The following NLGN1 variants were observed in gnomAD, a reference collection of about 807,000 sequenced individuals.
NLGN1 encodes the protein neuroligin 1, also known as neuroligin-1.
A neutral mutation model predicts 65.5 loss-of-function variants in NLGN1; 12 were observed. That is an observed-to-expected ratio of 0.18 (90% CI 0.12 to 0.30). NLGN1 has a LOEUF of 0.30. Among genes scored for constraint, NLGN1 ranks in the 10% least tolerant of loss-of-function variants. NLGN1 has a pLI of 1.00. For synonymous variants in NLGN1, 350 were observed against 359.5 expected, an observed-to-expected ratio of 0.97 and a Z score of 0.30; for missense variants, 750 against 1,007.1, an observed-to-expected ratio of 0.74 and a Z score of 3.46.
At chr3:173,769,029 A>AAAC (rs1038258077) in intron 3 of NLGN1, among the ~76,000 whole-genome samples, 1 of 152,132 alleles carries the variant, frequency 6.6e-6, no homozygotes, top group Non-Finnish European at 1.5e-5. Context: ...TCAGCCTCCC[A>AAAC]AACTACTGGG....
At chr3:173,847,883 AAATT>A (rs1423277092) in intron 4 of NLGN1, among the ~76,000 whole-genome samples, 1 of 152,190 alleles carries the variant, frequency 6.6e-6, no homozygotes, top group African/African-American at 2.4e-5. Context: ...AAAAATAAAT[AAATT>A]AATTAAATTA....
chr3:174,082,642 A>G lies in NLGN1; in HGVS notation c.647-192673A>G, dbSNP rs901320300. 6.6e-5 allele frequency among the ~76,000 whole-genome samples: 10 copies of G among 152,100 alleles called. No homozygotes were observed. In the South Asian group the frequency reaches 1.9e-3, roughly 28 times the overall value. ...CTAAGATTGGAGCTTTGTTTTAAAAAGCAATACATTTTTAATAAGAAAATA... is the reference window on the plus strand; with the variant it reads ...CTAAGATTGGAGCTTTGTTTTAAAAGGCAATACATTTTTAATAAGAAAATA... On this transcript the variant is annotated intron_variant, in intron 4 of 6. Transcript: ENST00000457714.
At chr3:173,732,420 A>G (rs1033289859) in intron 3 of NLGN1, among the ~76,000 whole-genome samples, 7 of 152,122 alleles carry the variant, frequency 4.6e-5, no homozygotes, top group African/African-American at 1.7e-4. Flanking sequence ...TAGCCCTAAG[A>G]TGCTGCTACT....
At chr3:174,278,118 C>T (rs748294144) in intron 5 of NLGN1, among the ~76,000 whole-genome samples, 40 of 152,034 alleles carry the variant, frequency 2.6e-4, no homozygotes, top group South Asian at 4.1e-4. Context: ...ATGATAAAAA[C>T]AGTAGTGTAC....
intron 4 of NLGN1, among the ~76,000 whole-genome samples, chr3:174,243,968 C>T (rs1476720825): frequency 6.6e-6 from 1 of 152,092 alleles, no homozygotes; most frequent in African/African-American, 2.4e-5. Context: ...AGGTCCAGGG[C>T]CTCTGACACT....
At chr3:174,117,485 G>A (rs1418149742) in intron 4 of NLGN1, among the ~76,000 whole-genome samples, 1 of 151,910 alleles carries the variant, frequency 6.6e-6, no homozygotes, top group Non-Finnish European at 1.5e-5. Context: ...GCCAGGCGCA[G>A]TGGCGGGCGC....
At chr3:174,221,917 T>C (rs992190373) in intron 4 of NLGN1, among the ~76,000 whole-genome samples, 9 of 152,126 alleles carry the variant, frequency 5.9e-5, no homozygotes, top group Non-Finnish European at 1.3e-4. Context: ...ATGTTTTTTG[T>C]TTTGTTTTTC....
chr3:174,242,502 C>T (rs775098195), intron 4 of NLGN1, among the ~76,000 whole-genome samples: 7 of 152,084 alleles, frequency 4.6e-5, no homozygotes, highest in Non-Finnish European at 7.4e-5. Flanking sequence ...TTACTGCCTG[C>T]GCTCCATCTC....
intron 4 of NLGN1, among the ~76,000 whole-genome samples, chr3:174,166,822 T>C (rs1326137850): frequency 6.6e-6 from 1 of 152,122 alleles, no homozygotes; most frequent in East Asian, 1.9e-4. Context: ...GTTAAGTTAT[T>C]TTGTAGGTCT....
Position 173,604,386 on chromosome 3 carries a change from T to C in NLGN1, c.-213T>C. On this transcript the variant is annotated 5_prime_UTR_variant, in exon 3 of 7. It removes an upstream start codon present in the reference 5' UTR. Coordinates refer to ENST00000457714, the Ensembl canonical transcript of NLGN1. ...GGAAAACAGAATGTTCAATAGGATA[T>C]GGTCTGATAAATAGTGATGATTGAA... 1 of 615,868 alleles carries C rather than the reference T, an allele frequency of 1.6e-6. No individual in the cohort carries two copies. The highest frequency in any genetic ancestry group is 2.9e-6 in the Non-Finnish European group (1 of 347,896). 38.2% of individuals were successfully genotyped at this position (615,868 alleles called of 1,614,324 possible).
intron 3 of NLGN1, among the ~76,000 whole-genome samples, chr3:173,707,021 A>G (rs978224941): frequency 1.3e-5 from 2 of 152,174 alleles, no homozygotes; most frequent in African/African-American, 4.8e-5. Context: ...CCTTTATAGA[A>G]CTTATATGGT....
chr3:174,152,159 T>C (rs1371025105), intron 4 of NLGN1, among the ~76,000 whole-genome samples: 2 of 140,074 alleles, frequency 1.4e-5, no homozygotes, highest in South Asian at 2.2e-4. Flanking sequence ...AAACTTTAGA[T>C]TTGAAGAGAA....
intron 3 of NLGN1, among the ~76,000 whole-genome samples, chr3:173,654,857 T>C (rs1222923240): frequency 6.6e-6 from 1 of 152,110 alleles, no homozygotes; most frequent in East Asian, 1.9e-4. Context: ...AAAGAATTAA[T>C]GGATGGATGA....
intron 4 of NLGN1, among the ~76,000 whole-genome samples, chr3:174,169,903 A>G (rs1444258679): frequency 2.0e-5 from 3 of 152,082 alleles, no homozygotes; most frequent in African/African-American, 7.2e-5. Context: ...CCTCTCCCTA[A>G]GTAAATTCCA....
intron 4 of NLGN1, among the ~76,000 whole-genome samples, chr3:174,129,928 C>G (rs1038431414): frequency 6.6e-6 from 1 of 152,150 alleles, no homozygotes; most frequent in Non-Finnish European, 1.5e-5. Flanking sequence ...ACTGATAAGA[C>G]GACGTTGTTC....
At chr3:174,139,507 C>T (rs1561136951) in intron 4 of NLGN1, among the ~76,000 whole-genome samples, 1 of 151,778 alleles carries the variant, frequency 6.6e-6, no homozygotes, top group Non-Finnish European at 1.5e-5. Flanking sequence ...GTTGATTTAT[C>T]CATTCTTCTA....
chr3:173,762,184 A>C (rs1204759201), intron 3 of NLGN1, among the ~76,000 whole-genome samples: 2 of 152,106 alleles, frequency 1.3e-5, no homozygotes, highest in Non-Finnish European at 1.5e-5. Flanking sequence ...CTTAATAAGA[A>C]AGGAAACAAA....
chr3:173,555,904 A>T (rs1235007789), intron 2 of NLGN1, among the ~76,000 whole-genome samples: 1 of 152,210 alleles, frequency 6.6e-6, no homozygotes, highest in Non-Finnish European at 1.5e-5. Context: ...ATGTTTGAAA[A>T]TTCAACAATA....
intron 1 of NLGN1, among the ~76,000 whole-genome samples, chr3:173,408,083 T>G (rs1711640153): frequency 6.6e-6 from 1 of 152,218 alleles, no homozygotes; most frequent in South Asian, 2.1e-4. Flanking sequence ...TTGTTTTTTT[T>G]GAGACAGAGT....
Sources: gnomAD v4.1 joint callset for allele counts (sites outside exome capture counted in the v4.1 genomes callset) on GRCh38, gnomAD v4.1.1 for gene constraint, MANE v1.5 for transcripts, NCBI Gene and HGNC (gene_info 2026-07-23, HGNC 2026-07-21) for gene names.